The following TUT4 variants were observed in gnomAD, a reference collection of about 807,000 sequenced individuals.
TUT4 encodes the protein terminal uridylyl transferase 4, also known as terminal uridylyltransferase 4.
TUT4 carries 36 observed loss-of-function variants against 192.2 expected under a neutral mutation model. The observed-to-expected ratio is 0.19, with a 90% CI of 0.14 to 0.25. The LOEUF is 0.25. Ranked by LOEUF, TUT4 falls within the 10% of genes least tolerant of loss-of-function variation. The probability of loss-of-function intolerance (pLI) is 1.00; values close to 1 mark genes in which losing one functional copy is unlikely to be tolerated. For missense variants in TUT4, 1,493 were observed against 1,957.2 expected (o/e 0.76, Z 4.47); for synonymous variants, 618 against 666.0 (o/e 0.93, Z 1.11).
intron 1 of TUT4, among the ~76,000 whole-genome samples, chr1:52,540,195 G>T (rs1686155918): frequency 6.7e-6 from 1 of 149,320 alleles, no homozygotes; most frequent in African/African-American, 2.5e-5. Context: ...CTCCAGCCTG[G>T]GTGACAGAGC....
chr1:52,440,412 G>A (rs1032911201), intron 24 of TUT4, among the ~76,000 whole-genome samples: 4 of 149,448 alleles, frequency 2.7e-5, no homozygotes, highest in Admixed American at 1.3e-4. Flanking sequence ...TTACAGGCAT[G>A]AGCCACCATG....
intron 12 of TUT4, among the ~76,000 whole-genome samples, chr1:52,476,963 A>G (rs914708179): frequency 6.6e-6 from 1 of 152,174 alleles, no homozygotes; most frequent in Non-Finnish European, 1.5e-5. Flanking sequence ...CAAAGATCTT[A>G]ATGGTCTTGG....
At chr1:52,448,611 A>AC (rs1245892032) in intron 20 of TUT4, among the ~76,000 whole-genome samples, 1 of 151,012 alleles carries the variant, frequency 6.6e-6, no homozygotes, top group African/African-American at 2.4e-5. Context: ...AAAAAAAAAA[A>AC]AAGAGGCAAT....
chr1:52,452,604 C>T (rs909733804), intron 20 of TUT4, among the ~76,000 whole-genome samples: 2 of 152,200 alleles, frequency 1.3e-5, no homozygotes, highest in African/African-American at 4.8e-5. Context: ...CCAAAGGTCT[C>T]GGTCCAAATA....
chr1:52,496,908 G>A, intron 5 of TUT4, 98 bp downstream of exon 5: 1 of 1,189,196 alleles, frequency 8.4e-7, no homozygotes, highest in South Asian at 1.5e-5. Flanking sequence ...CTTTTAAGGA[G>A]AAAAGGGAAG....
At chr1:52,446,817 C>T in intron 20 of TUT4, 150 bp from the exon 21 acceptor site, 1 of 581,582 alleles carries the variant, frequency 1.7e-6, no homozygotes, top group Non-Finnish European at 3.0e-6. Flanking sequence ...TAATTTGATG[C>T]CAAGAAGTTA....
At chr1:52,470,575 G>T (rs1364437436) in intron 14 of TUT4, among the ~76,000 whole-genome samples, 1 of 151,772 alleles carries the variant, frequency 6.6e-6, no homozygotes, top group Non-Finnish European at 1.5e-5. Flanking sequence ...GATACAAGAA[G>T]AAATTAACCA....
At chr1:52,519,512 T>C (rs1055700134) in intron 2 of TUT4, among the ~76,000 whole-genome samples, 5 of 151,288 alleles carry the variant, frequency 3.3e-5, no homozygotes, top group Non-Finnish European at 7.4e-5. Flanking sequence ...AGTAAAATAT[T>C]CTTTTTTTTT....
At chr1:52,525,461 A>C in intron 2 of TUT4, 102 bp downstream of exon 2, 6 of 1,419,882 alleles carry the variant, frequency 4.2e-6, no homozygotes, top group Non-Finnish European at 5.6e-6. Context: ...CAAAAGTGCT[A>C]AACAATTATG....
chr1:52,459,928 G>A (rs114101502), intron 19 of TUT4, among the ~76,000 whole-genome samples: 4 of 151,792 alleles, frequency 2.6e-5, no homozygotes, highest in Non-Finnish European at 5.9e-5. Flanking sequence ...ATAGGGGAGG[G>A]GGGAGAGGAG....
intron 1 of TUT4, among the ~76,000 whole-genome samples, chr1:52,529,468 T>G (rs1682761275): frequency 6.6e-6 from 1 of 152,212 alleles, no homozygotes; most frequent in Non-Finnish European, 1.5e-5. Context: ...TAAAATGAGC[T>G]CTGTTTCAAA....
At chr1:52,464,504 T>A (rs1037986832) in intron 16 of TUT4, among the ~76,000 whole-genome samples, 1 of 152,200 alleles carries the variant, frequency 6.6e-6, no homozygotes, top group African/African-American at 2.4e-5. Flanking sequence ...TCCGCCCACC[T>A]TGGCCTCCCA....
chr1:52,474,839 G>A lies in TUT4; in HGVS notation c.2720C>T (p.Ser907Phe). The change falls in exon 13 of 30, where the codon TCT (serine) becomes TTT (phenylalanine). Residue 907 changes from serine (S) to phenylalanine (F), a missense_variant. Around this residue, in one of 7 missense-constraint regions of TUT4, gnomAD observed 59 missense variants for 114.3 expected, o/e 0.52. Transcript: ENST00000257177. Reference protein sequence around the residue: ...YYVFDKFILTSGKPPTIVCSI... With the variant: ...YYVFDKFILTFGKPPTIVCSI... Reference sequence around the variant, plus strand: ...TTACAAACTGTATCCTACCTTGCCAGAGGTTAAAATAAACTTATCAAACAC... The same window carrying A: ...TTACAAACTGTATCCTACCTTGCCAAAGGTTAAAATAAACTTATCAAACAC... 6.3e-7 allele frequency: 1 copy of A among 1,595,992 alleles called. No homozygotes were observed. Among genetic ancestry groups the A allele is most frequent in the East Asian group, 2.2e-5 (1 of 44,648 alleles).
At chr1:52,462,507 G>C (rs887609135) in intron 16 of TUT4, 5 of 162,760 alleles carry the variant, frequency 3.1e-5, no homozygotes, top group African/African-American at 1.2e-4. Context: ...ACTAAGTATT[G>C]ATTAGCTGTG....
chr1:52,488,738 G>A (rs1670424224), intron 9 of TUT4, among the ~76,000 whole-genome samples, 171 bp downstream of exon 9: 1 of 152,066 alleles, frequency 6.6e-6, no homozygotes, highest in African/African-American at 2.4e-5. Context: ...TTATTTTTAT[G>A]TCCATAAATT....
intron 19 of TUT4, among the ~76,000 whole-genome samples, chr1:52,459,441 T>C (rs1053077283): frequency 2.0e-5 from 3 of 151,596 alleles, no homozygotes; most frequent in Admixed American, 6.6e-5. Flanking sequence ...ATACAAAAAA[T>C]AGTTGGGCAT....
chr1:52,481,311 G>C, intron 11 of TUT4, 112 bp downstream of exon 11: 1 of 1,122,476 alleles, frequency 8.9e-7, no homozygotes, highest in South Asian at 1.5e-5. Flanking sequence ...AGGAAAATGA[G>C]GCCAAGAGGC....
chr1:52,431,180 G>C lies in TUT4; in HGVS notation c.4544C>G (p.Ser1515Cys), dbSNP rs1177392491. Reference sequence around the variant, plus strand: ...ATTGCTGGGGGCACTGCCTGGTGCAGAGTGGATCACTGGGCCATGGATGGG... The same window carrying C: ...ATTGCTGGGGGCACTGCCTGGTGCACAGTGGATCACTGGGCCATGGATGGG... ...SWPIHGPVIH[S>C]APGSAPSNIG... Residue 1515 changes from serine to cysteine, a missense_variant, in exon 28 of 30, where the codon TCT (serine) becomes TGT (cysteine). Coordinates refer to ENST00000257177, the MANE Select transcript of TUT4 (RefSeq NM_001009881.3). 6.2e-7 allele frequency: 1 copy of C among 1,614,254 alleles called. No homozygotes were observed. Among genetic ancestry groups the C allele is most frequent in the Non-Finnish European group, 8.5e-7 (1 of 1,180,038 alleles).
intron 20 of TUT4, among the ~76,000 whole-genome samples, chr1:52,446,907 T>A (rs1431137810): frequency 6.6e-6 from 1 of 152,220 alleles, no homozygotes; most frequent in African/African-American, 2.4e-5. Flanking sequence ...ATACATTTGA[T>A]GTTATCTACT....
Sources: gnomAD v4.1 joint callset for allele counts (sites outside exome capture counted in the v4.1 genomes callset) on GRCh38, gnomAD v4.1.1 for gene constraint, gnomAD v4.1.1 regional missense constraint, MANE v1.5 for transcripts, NCBI Gene and HGNC (gene_info 2026-07-23, HGNC 2026-07-21) for gene names.